TPH2: variants seen among roughly 807,000 people sequenced by gnomAD.
The protein encoded by TPH2 is tryptophan 5-hydroxylase 2.
TPH2 carries 27 observed loss-of-function variants against 59.1 expected under a neutral mutation model. The observed-to-expected ratio is 0.46, with a 90% confidence interval of 0.34 to 0.63. TPH2 has a LOEUF of 0.63. Among genes scored for constraint, TPH2 ranks in the 30% least tolerant of loss-of-function variants. The probability of loss-of-function intolerance (pLI) is 0.01; values close to 1 mark genes in which losing one functional copy is unlikely to be tolerated. For missense variants in TPH2, 523 were observed against 588.3 expected (o/e 0.89, Z 1.15); for synonymous variants, 220 against 210.5 (o/e 1.05, Z -0.39).
chr12:71,980,196 G>A (rs1035342104), intron 7 of TPH2, among the ~76,000 whole-genome samples: 1 of 152,140 alleles, frequency 6.6e-6, no homozygotes, highest in Non-Finnish European at 1.5e-5. Flanking sequence ...CTGAGGCTGG[G>A]AGCTCTGGGT....
chr12:71,962,451 C>A (rs1288277007), intron 5 of TPH2: 6 of 985,124 alleles, frequency 6.1e-6, no homozygotes, highest in Non-Finnish European at 7.2e-6. Flanking sequence ...GTGATGATGT[C>A]TAGATAAGGG....
chr12:71,951,268 C>T (rs1871336742), intron 5 of TPH2, among the ~76,000 whole-genome samples: 2 of 152,106 alleles, frequency 1.3e-5, no homozygotes, highest in Admixed American at 6.5e-5. Flanking sequence ...TGGTTGTGAG[C>T]CTTATGATTG....
At chr12:71,966,270 C>G (rs1871815741) in intron 5 of TPH2, among the ~76,000 whole-genome samples, 1 of 151,452 alleles carries the variant, frequency 6.6e-6, no homozygotes, top group Non-Finnish European at 1.5e-5. Context: ...TTAAAGGATT[C>G]TGTGGTTTTA....
chr12:72,016,547 A>T (rs1390236854), intron 8 of TPH2, among the ~76,000 whole-genome samples: 1 of 152,184 alleles, frequency 6.6e-6, no homozygotes, highest in Non-Finnish European at 1.5e-5. Context: ...TGTTTGGCAC[A>T]TCTCAAACCA....
intron 5 of TPH2, chr12:71,961,719 T>C: frequency 7.4e-7 from 1 of 1,348,434 alleles, no homozygotes; most frequent in South Asian, 1.1e-5. Context: ...TTTTTGCAGA[T>C]GAAAATCACT....
chr12:71,988,916 A>G (rs1872512538), intron 7 of TPH2, among the ~76,000 whole-genome samples: 1 of 152,166 alleles, frequency 6.6e-6, no homozygotes, highest in South Asian at 2.1e-4. Flanking sequence ...CACATTTCCT[A>G]ATATAGCACC....
At chr12:72,001,388 G>A (rs1208967784) in intron 8 of TPH2, among the ~76,000 whole-genome samples, 1 of 151,602 alleles carries the variant, frequency 6.6e-6, no homozygotes, top group South Asian at 2.1e-4. Flanking sequence ...ATGGGCAAAT[G>A]TATTTGGACA....
chr12:71,955,759 C>T (rs1035185775), intron 5 of TPH2, among the ~76,000 whole-genome samples: 1 of 152,040 alleles, frequency 6.6e-6, no homozygotes, highest in African/African-American at 2.4e-5. Flanking sequence ...TTCTTTTTGT[C>T]TGTCCTCATG....
At chr12:71,990,126 A>G (rs1203870831) in intron 7 of TPH2, among the ~76,000 whole-genome samples, 1 of 152,198 alleles carries the variant, frequency 6.6e-6, no homozygotes, top group Non-Finnish European at 1.5e-5. Flanking sequence ...TTGCTGATGT[A>G]GAGATTGGAG....
chr12:71,998,739 T>C (rs1334454177), intron 8 of TPH2, among the ~76,000 whole-genome samples: 1 of 152,168 alleles, frequency 6.6e-6, no homozygotes, highest in Non-Finnish European at 1.5e-5. Context: ...ATAGAGGTAT[T>C]ATTAGCTGAT....
At position 71,963,506 on chromosome 12, in the gene TPH2, C is replaced by T. The variant is rs1231552262; in HGVS notation, c.609-9013C>T. On this transcript the variant is annotated intron_variant, in intron 5 of 10. Coordinates refer to ENST00000333850, the MANE Select transcript of TPH2 (RefSeq NM_173353.4). ...TACTGCCCAAGAGGCCACATGTTTT[C>T]GTTTTTAAAAAATCTGCTTAGTGGC... is the stretch of plus-strand genomic sequence containing the variant. Among the ~76,000 whole-genome samples, 2 of 40,988 alleles carry T rather than the reference C, an allele frequency of 4.9e-5. 1 individual carries two copies. Among genetic ancestry groups the T allele is most frequent in the East Asian group, 1.7e-3 (2 of 1,190 alleles). 26.9% of individuals were successfully genotyped at this position (40,988 alleles called of 152,430 possible).
At chr12:72,028,724 C>T (rs757089171) in intron 9 of TPH2, among the ~76,000 whole-genome samples, 9 of 152,212 alleles carry the variant, frequency 5.9e-5, no homozygotes, top group Non-Finnish European at 1.0e-4. Flanking sequence ...TGGTCCCATA[C>T]TCCATGGGTG....
chr12:72,029,676 C>CA (rs889641779), intron 9 of TPH2, among the ~76,000 whole-genome samples: 4 of 151,450 alleles, frequency 2.6e-5, no homozygotes, highest in African/African-American at 9.7e-5. Context: ...TTCTGTGGGC[C>CA]AAAAAAAATG....
intron 8 of TPH2, among the ~76,000 whole-genome samples, chr12:71,995,838 T>C (rs1037289655): frequency 1.3e-5 from 2 of 152,222 alleles, no homozygotes; most frequent in Non-Finnish European, 2.9e-5. Context: ...TTTTAAATGT[T>C]GGCTTATTAA....
intron 8 of TPH2, among the ~76,000 whole-genome samples, chr12:72,005,185 G>A (rs1404528238): frequency 6.6e-6 from 1 of 152,082 alleles, no homozygotes; most frequent in Non-Finnish European, 1.5e-5. Context: ...ATGCTGTTAG[G>A]TTTGGGAGGA....
At chr12:71,959,365 A>G (rs1003297856) in intron 5 of TPH2, among the ~76,000 whole-genome samples, 1 of 152,190 alleles carries the variant, frequency 6.6e-6, no homozygotes, top group Non-Finnish European at 1.5e-5. Context: ...GACTTGGAGT[A>G]GAGCTGTTTT....
At position 72,031,761 on chromosome 12, in the gene TPH2, T is replaced by G; in HGVS notation, c.*66T>G. The G allele has an allele frequency of 6.3e-7, 1 of 1,587,734 alleles. No individual in the cohort carries two copies. The highest frequency in any genetic ancestry group is 8.6e-7 in the Non-Finnish European group (1 of 1,157,560). ...CTTAGCAGCAGTTCAGTCAATGTCA[T>G]ATAACGCAAATAACCTTCTGTGTCA... On this transcript the variant is annotated 3_prime_UTR_variant, in exon 11 of 11. Transcript: ENST00000333850.
At chr12:71,999,290 A>G (rs781475329) in intron 8 of TPH2, among the ~76,000 whole-genome samples, 1 of 152,228 alleles carries the variant, frequency 6.6e-6, no homozygotes, top group Non-Finnish European at 1.5e-5. Flanking sequence ...CTATGCCCTG[A>G]GAACCATTTA....
chr12:71,992,518 C>T (rs1257513237), intron 7 of TPH2, among the ~76,000 whole-genome samples: 4 of 150,510 alleles, frequency 2.7e-5, no homozygotes, highest in Admixed American at 2.7e-4. Flanking sequence ...GTGGGAGGAT[C>T]GCTTGAGCCC....
Sources: gnomAD v4.1 joint callset for allele counts (sites outside exome capture counted in the v4.1 genomes callset) on GRCh38, gnomAD v4.1.1 for gene constraint, MANE v1.5 for transcripts, NCBI Gene and HGNC (gene_info 2026-07-23, HGNC 2026-07-21) for gene names.